BCL2L11: variants seen among roughly 807,000 people sequenced by gnomAD.
BCL2L11 encodes BCL2 like 11.
Under a neutral mutation model 20.6 loss-of-function variants are expected in BCL2L11, and 15 were observed. The observed-to-expected ratio is 0.73, with a 90% CI of 0.49 to 1.12. The LOEUF (loss-of-function observed/expected upper bound fraction) is 1.12. BCL2L11 is among the 50% of genes most tolerant of loss of function. BCL2L11 has a pLI of 0.00. For synonymous variants in BCL2L11, 108 were observed against 92.8 expected (o/e 1.16, Z -0.94); for missense variants, 292 against 260.9 (o/e 1.12, Z -0.82).
In BCL2L11 at chr2:111,150,097, C is replaced by G; in HGVS notation, c.448C>G (p.Gln150Glu). 2 of 1,614,028 alleles carry G rather than the reference C, an allele frequency of 1.2e-6. No homozygotes were observed. Among genetic ancestry groups the G allele is most frequent in the Non-Finnish European group, 1.7e-6 (2 of 1,179,932 alleles). ...TATGCGCCCAGAGATATGGATCGCC[C>G]AAGAGTTGCGGCGTATTGGAGACGA... ...ADMRPEIWIAQELRRIGDEFN... is the reference protein window; with the variant it reads ...ADMRPEIWIAEELRRIGDEFN... The change falls in exon 3 of 4, where the codon CAA becomes GAA. Residue 150 changes from glutamine (Q) to glutamate (E), a missense_variant. Transcript: ENST00000393256.
chr2:111,154,389 C>T (rs1445145369), intron 3 of BCL2L11, among the ~76,000 whole-genome samples: 2 of 151,432 alleles, frequency 1.3e-5, no homozygotes, highest in African/African-American at 4.9e-5. Flanking sequence ...TATTTTCTGG[C>T]CTAAGAGCCA....
At chr2:111,161,335 G>T (rs960154365) in intron 3 of BCL2L11, 2 of 1,478,172 alleles carry the variant, frequency 1.4e-6, no homozygotes, top group South Asian at 1.2e-5. Context: ...TTTAAAAAAC[G>T]CTTGTAATCA....
intron 2 of BCL2L11, among the ~76,000 whole-genome samples, chr2:111,130,918 T>C (rs187135824): frequency 1.4e-4 from 21 of 152,324 alleles, no homozygotes; most frequent in African/African-American, 4.8e-4. Flanking sequence ...TCCATTGATT[T>C]GCAATGTTAA....
At chr2:111,160,335 C>T (rs1187031622) in intron 3 of BCL2L11, among the ~76,000 whole-genome samples, 2 of 152,140 alleles carry the variant, frequency 1.3e-5, no homozygotes, top group African/African-American at 2.4e-5. Context: ...ATCTTGTTTA[C>T]TGTTTTGTGC....
chr2:111,164,188 G>C lies in BCL2L11; in HGVS notation c.554G>C (p.Arg185Pro). The change falls in exon 4 of 4, where the codon CGA (arginine) becomes CCA (proline). Residue 185 changes from arginine to proline, a missense_variant. Arg to Pro is a moderately radical substitution (Grantham distance 103). Coordinates refer to ENST00000393256, the MANE Select transcript of BCL2L11 (RefSeq NM_138621.5). ...AEDHPRMVIL[R>P]LLRYIVRLVW... is the part of the protein sequence containing the mutation. ...GACCACCCACGAATGGTTATCTTAC[G>C]ACTGTTACGTTACATTGTCCGCCTG... 6.2e-7 allele frequency: 1 copy of C among 1,612,430 alleles called. No homozygotes were observed. The highest frequency in any genetic ancestry group is 8.5e-7 in the Non-Finnish European group (1 of 1,178,836).
chr2:111,126,038 C>A (rs1291294123), intron 2 of BCL2L11, among the ~76,000 whole-genome samples: 2 of 152,140 alleles, frequency 1.3e-5, no homozygotes, highest in Admixed American at 6.5e-5. Context: ...CACACTTTCA[C>A]AACAAAAGCT....
chr2:111,142,536 A>G (rs1240765575), intron 2 of BCL2L11: 3 of 666,240 alleles, frequency 4.5e-6, no homozygotes, highest in African/African-American at 3.6e-5. Flanking sequence ...TTCACTTTGT[A>G]TATCACCATT....
intron 2 of BCL2L11, among the ~76,000 whole-genome samples, chr2:111,143,847 T>C (rs775037710): frequency 3.3e-5 from 5 of 152,210 alleles, no homozygotes; most frequent in Non-Finnish European, 4.4e-5. Flanking sequence ...TGATGTTGAA[T>C]GAGAAATGAG....
Position 111,120,938 on chromosome 2 carries a change from T to G in BCL2L11, c.-264T>G, listed in dbSNP as rs2070742108. On this transcript the variant is annotated 5_prime_UTR_variant, in exon 1 of 4. Transcript: ENST00000393256. ...CACTTCGCTCCGCGCAGCCGCCTGG[T>G]CTGCAGTTTGTTGGAGCTCTGCGTC... 2.8e-6 allele frequency: 1 copy of G among 360,744 alleles called. No homozygotes were observed. Among genetic ancestry groups the G allele is most frequent in the Admixed American group, 5.1e-5 (1 of 19,594 alleles). 22.3% of individuals were successfully genotyped at this position (360,744 alleles called of 1,614,324 possible).
Position 111,120,989 on chromosome 2 carries a change from G to A in BCL2L11, c.-213G>A. 1 of 359,486 alleles carries A rather than the reference G, an allele frequency of 2.8e-6. No individual in the cohort carries two copies. 22.3% of individuals were successfully genotyped at this position (359,486 alleles called of 1,614,324 possible). A position where few individuals can be genotyped will look rare whatever the true frequency, so the allele number is the denominator to read the frequency against. On this transcript the variant is annotated 5_prime_UTR_variant, in exon 1 of 4. Transcript: ENST00000393256. Reference sequence around the variant, plus strand: ...CAGCGCCGCTGCCGCTGCCGCCGCCGCCGCCGCCGCCGCCGCCGCCGCCGC... The same window carrying A: ...CAGCGCCGCTGCCGCTGCCGCCGCCACCGCCGCCGCCGCCGCCGCCGCCGC...
Position 111,123,821 on chromosome 2 carries a change from C to G in BCL2L11, c.76C>G (p.Pro26Ala), listed in dbSNP as rs762820125. 2.6e-6 allele frequency: 4 copies of G among 1,527,182 alleles called. No homozygotes were observed. Among genetic ancestry groups the G allele is most frequent in the Non-Finnish European group, 3.5e-6 (4 of 1,139,630 alleles). 94.6% of individuals were successfully genotyped at this position (1,527,182 alleles called of 1,614,324 possible). Residue 26 changes from proline (P) to alanine (A), a missense_variant, in exon 2 of 4, where the codon CCC (proline) becomes GCC (alanine). By Grantham distance (27) the Pro-to-Ala change is conservative (BLOSUM62 -1). Transcript: ENST00000393256. ...GRQLQPAERP[P>A]QLRPGAPTSL... ...ACAATTGCAGCCTGCGGAGAGGCCT[C>G]CCCAGCTCAGACCTGGGGCCCCTAC...
At chr2:111,124,850 T>A (rs2072180220) in intron 2 of BCL2L11, among the ~76,000 whole-genome samples, 1 of 151,718 alleles carries the variant, frequency 6.6e-6, no homozygotes, top group Non-Finnish European at 1.5e-5. Flanking sequence ...AGTACCAACA[T>A]AGAACCATGA....
In BCL2L11 at chr2:111,163,848, AT is replaced by A. The variant is rs112745130; in HGVS notation, c.499-278del. On this transcript the variant is annotated intron_variant, in intron 3 of 3. Coordinates refer to ENST00000393256, the MANE Select transcript of BCL2L11 (RefSeq NM_138621.5). ...TACATCCTCTTTGAGTTTTTCAAAC[AT>A]TTTTTTGAGTGCTTTTTTTTTTTTT... Among the ~76,000 whole-genome samples, 568 of 126,198 alleles carry A rather than the reference AT, an allele frequency of 4.5e-3. 3 individuals carry two copies. The highest frequency in any genetic ancestry group is 0.015 in the African/African-American group (507 of 34,348). The allele number at this position is 126,198 out of a possible 152,430, so 82.8% of individuals were successfully genotyped here.
At chr2:111,163,959 A>G (rs1313606023) in intron 3 of BCL2L11, among the ~76,000 whole-genome samples, 174 bp from the exon 4 acceptor site, 1 of 151,110 alleles carries the variant, frequency 6.6e-6, no homozygotes, top group African/African-American at 2.4e-5. Context: ...GGAAATGAAA[A>G]CAAGTTTTCT....
intron 2 of BCL2L11, among the ~76,000 whole-genome samples, chr2:111,132,972 C>G (rs1300615931): frequency 6.6e-6 from 1 of 152,186 alleles, no homozygotes; most frequent in Non-Finnish European, 1.5e-5. Context: ...AGAACATACT[C>G]TATACAATTT....
chr2:111,166,433 A>G lies in BCL2L11; in HGVS notation c.*2202A>G, dbSNP rs2079024639. On this transcript the variant is annotated 3_prime_UTR_variant, in exon 4 of 4. Coordinates refer to ENST00000393256, the MANE Select transcript of BCL2L11 (RefSeq NM_138621.5). ...TAGAGATTCTATGAATTGTAGGAGT[A>G]TTAAAGACCAGGCTGTTGGCACCAG... The G allele has an allele frequency of 6.5e-6, 1 of 152,710 alleles. No homozygotes were observed. Among genetic ancestry groups the G allele is most frequent in the Non-Finnish European group, 1.5e-5 (1 of 68,072 alleles). The allele number at this position is 152,710 out of a possible 1,614,324, so 9.5% of individuals were successfully genotyped here.
intron 3 of BCL2L11, among the ~76,000 whole-genome samples, chr2:111,153,326 C>CTG (rs2077464463): frequency 6.6e-6 from 1 of 152,072 alleles, no homozygotes; most frequent in African/African-American, 2.4e-5. Flanking sequence ...TTGCAGTGAA[C>CTG]TGAGATTGCA....
At chr2:111,154,628 AAG>A (rs1559078667) in intron 3 of BCL2L11, among the ~76,000 whole-genome samples, 2 of 152,212 alleles carry the variant, frequency 1.3e-5, no homozygotes, top group Admixed American at 1.3e-4. Context: ...GCACAGCAGG[AAG>A]CACATGATGT....
At chr2:111,150,539 C>T (rs2077125084) in intron 3 of BCL2L11, among the ~76,000 whole-genome samples, 1 of 152,192 alleles carries the variant, frequency 6.6e-6, no homozygotes, top group Non-Finnish European at 1.5e-5. Context: ...CATCTTTTGT[C>T]ACTTAGCGCA....
Sources: allele counts gnomAD v4.1 joint callset (sites outside exome capture counted in the v4.1 genomes callset), GRCh38; gene constraint gnomAD v4.1.1; transcripts MANE v1.5; gene names NCBI Gene and HGNC (gene_info 2026-07-23, HGNC 2026-07-21).